CCDC170: variants seen among roughly 807,000 people sequenced by gnomAD.
The protein encoded by CCDC170 is coiled-coil domain containing 170.
CCDC170 carries 69 observed loss-of-function variants against 72.6 expected under a neutral mutation model. The ratio of observed to expected loss-of-function variants is 0.95; its 90% CI spans 0.78 to 1.16. The LOEUF (loss-of-function observed/expected upper bound fraction) is 1.16. CCDC170 is among the 50% of genes most tolerant of loss of function. The pLI, the probability that CCDC170 is intolerant of heterozygous loss-of-function variation, is 0.00. For synonymous variants in CCDC170, 300 were observed against 303.9 expected, an observed-to-expected ratio of 0.99 and a Z score of 0.13; for missense variants, 852 against 832.5, an observed-to-expected ratio of 1.02 and a Z score of -0.29.
chr6:151,510,395 GA>G (rs921056929), intron 1 of CCDC170, among the ~76,000 whole-genome samples: 5 of 152,114 alleles, frequency 3.3e-5, no homozygotes, highest in African/African-American at 1.2e-4. Context: ...AAAAACTGAA[GA>G]AAAAGGCAAA....
intron 1 of CCDC170, among the ~76,000 whole-genome samples, chr6:151,524,258 C>A (rs1217111096): frequency 6.6e-6 from 1 of 152,166 alleles, no homozygotes; most frequent in African/African-American, 2.4e-5. Context: ...TTATCTGTGC[C>A]TGCAGGCTGT....
intron 1 of CCDC170, among the ~76,000 whole-genome samples, chr6:151,513,277 A>G (rs756600145): frequency 1.3e-5 from 2 of 152,238 alleles, no homozygotes; most frequent in Non-Finnish European, 2.9e-5. Flanking sequence ...TTATATTTTT[A>G]AAAAGCACAT....
chr6:151,576,979 T>C (rs1776311619), intron 6 of CCDC170, among the ~76,000 whole-genome samples: 1 of 152,124 alleles, frequency 6.6e-6, no homozygotes, highest in South Asian at 2.1e-4. Flanking sequence ...CCCTGTGCTA[T>C]CCATTTTTCC....
chr6:151,597,630 C>A (rs1373311427), intron 9 of CCDC170, among the ~76,000 whole-genome samples: 1 of 152,196 alleles, frequency 6.6e-6, no homozygotes, highest in Non-Finnish European at 1.5e-5. Flanking sequence ...TTACCAAGTC[C>A]AGTGGAGAAG....
intron 8 of CCDC170, among the ~76,000 whole-genome samples, chr6:151,594,286 A>G (rs1776588328): frequency 6.6e-6 from 1 of 152,184 alleles, no homozygotes; most frequent in South Asian, 2.1e-4. Flanking sequence ...GACCTTGAAC[A>G]GATTATATAC....
intron 6 of CCDC170, among the ~76,000 whole-genome samples, chr6:151,573,951 G>A (rs1453201603): frequency 6.6e-6 from 1 of 152,222 alleles, no homozygotes; most frequent in Non-Finnish European, 1.5e-5. Flanking sequence ...TTAGCTAAAA[G>A]CATCACTTAA....
In CCDC170 at chr6:151,544,534, GGT is replaced by G. The variant is rs778082564; in HGVS notation, c.444-35_444-34del. On this transcript the variant is annotated intron_variant, in intron 3 of 10. Transcript: ENST00000239374. ...TGGTTTGATGAATGTTATCTTCCAT[GGT>G]GTTAAATTCTGACTTATTTGTTATT... 1.8e-4 allele frequency: 290 copies of G among 1,577,366 alleles called. 1 individual carries two copies. Among genetic ancestry groups the G allele is most frequent in the Non-Finnish European group, 2.3e-4 (268 of 1,152,058 alleles).
At chr6:151,504,005 T>C (rs1325449368) in intron 1 of CCDC170, among the ~76,000 whole-genome samples, 1 of 152,196 alleles carries the variant, frequency 6.6e-6, no homozygotes, top group African/African-American at 2.4e-5. Context: ...CTAAGGAACA[T>C]TATTGAGATA....
At chr6:151,574,853 C>T (rs985435160) in intron 6 of CCDC170, among the ~76,000 whole-genome samples, 2 of 152,178 alleles carry the variant, frequency 1.3e-5, no homozygotes, top group Non-Finnish European at 2.9e-5. Flanking sequence ...TAACTCATTG[C>T]CTGGCAAGTC....
At chr6:151,538,837 G>A (rs535728098) in intron 3 of CCDC170, among the ~76,000 whole-genome samples, 20 of 152,114 alleles carry the variant, frequency 1.3e-4, no homozygotes, top group East Asian at 5.8e-4. Context: ...AAAATTCTAC[G>A]AATGAGTTAA....
chr6:151,521,443 G>A (rs1334241449), intron 1 of CCDC170, among the ~76,000 whole-genome samples: 1 of 152,306 alleles, frequency 6.6e-6, no homozygotes, highest in East Asian at 1.9e-4. Flanking sequence ...TTGTCTCATT[G>A]CAAGTATCAG....
At chr6:151,583,759 G>A (rs1776411988) in intron 6 of CCDC170, among the ~76,000 whole-genome samples, 1 of 152,190 alleles carries the variant, frequency 6.6e-6, no homozygotes, top group African/African-American at 2.4e-5. Flanking sequence ...TGCCCAGCCT[G>A]ACTCTTCCTT....
chr6:151,609,138 A>T (rs554298217), intron 9 of CCDC170, among the ~76,000 whole-genome samples: 2 of 152,054 alleles, frequency 1.3e-5, no homozygotes, highest in South Asian at 2.1e-4. Context: ...ACACTGTTTG[A>T]TGTGTGGTTA....
intron 1 of CCDC170, 102 bp downstream of exon 1, chr6:151,494,287 C>A: frequency 8.1e-7 from 1 of 1,237,300 alleles, no homozygotes; most frequent in Non-Finnish European, 1.1e-6. Flanking sequence ...CTCCCGGAGG[C>A]GTGGGCAGAA....
intron 5 of CCDC170, among the ~76,000 whole-genome samples, chr6:151,553,029 C>T (rs1241067814): frequency 1.3e-5 from 2 of 151,982 alleles, no homozygotes; most frequent in African/African-American, 2.4e-5. Context: ...TCAAGTGATC[C>T]ACCCACATCG....
At chr6:151,578,420 G>A (rs1017470567) in intron 6 of CCDC170, among the ~76,000 whole-genome samples, 22 of 152,072 alleles carry the variant, frequency 1.4e-4, no homozygotes, top group Admixed American at 6.5e-5. Context: ...TTTGTTGTAG[G>A]GATAGTGTTC....
At chr6:151,524,059 G>A (rs1313786693) in intron 1 of CCDC170, among the ~76,000 whole-genome samples, 1 of 152,206 alleles carries the variant, frequency 6.6e-6, no homozygotes, top group African/African-American at 2.4e-5. Context: ...GTAAGAAACC[G>A]ATGAGGGCTG....
intron 7 of CCDC170, among the ~76,000 whole-genome samples, chr6:151,591,717 C>G (rs137949120): frequency 0.017 from 2,594 of 152,110 alleles, 33 homozygotes; most frequent in Non-Finnish European, 0.029. Flanking sequence ...GCATGGTCTC[C>G]ATCTCCTGAC....
At chr6:151,591,462 A>AG (rs66943969) in intron 7 of CCDC170, among the ~76,000 whole-genome samples, 64,770 of 151,588 alleles carry the variant, frequency 0.43, 15,824 homozygotes, top group East Asian at 0.8. Context: ...GCGCTGTTTT[A>AG]GGGGGGAGGT....
Sources: gnomAD v4.1 joint callset for allele counts (sites outside exome capture counted in the v4.1 genomes callset) on GRCh38, gnomAD v4.1.1 for gene constraint, MANE v1.5 for transcripts, NCBI Gene and HGNC (gene_info 2026-07-23, HGNC 2026-07-21) for gene names.